SGCZ: variants seen among roughly 807,000 people sequenced by gnomAD.
The protein encoded by SGCZ is zeta-sarcoglycan.
Under a neutral mutation model 41.3 loss-of-function variants are expected in SGCZ, and 40 were observed. That is an observed-to-expected ratio of 0.97 (90% CI 0.75 to 1.26). The LOEUF is 1.26. SGCZ is among the 50% of genes most tolerant of loss of function. The probability of loss-of-function intolerance (pLI) is 0.00; values close to 1 mark genes in which losing one functional copy is unlikely to be tolerated. For missense variants in SGCZ, 552 were observed against 369.8 expected, an observed-to-expected ratio of 1.49 and a Z score of -4.04; for synonymous variants, 206 against 137.5, an observed-to-expected ratio of 1.50 and a Z score of -3.49.
chr8:14,749,040 TC>T (rs1375197217), intron 1 of SGCZ, among the ~76,000 whole-genome samples: 1 of 152,150 alleles, frequency 6.6e-6, no homozygotes, highest in Non-Finnish European at 1.5e-5. Context: ...TGACTAATTT[TC>T]ATCCAATTTC....
intron 1 of SGCZ, among the ~76,000 whole-genome samples, chr8:15,064,660 A>G (rs1454903983): frequency 6.6e-6 from 1 of 151,960 alleles, no homozygotes; most frequent in Admixed American, 6.6e-5. Context: ...CTCATTCCTC[A>G]TAATTGCTTC....
intron 1 of SGCZ, among the ~76,000 whole-genome samples, chr8:14,904,115 A>G (rs1293428884): frequency 6.6e-6 from 1 of 152,038 alleles, no homozygotes; most frequent in African/African-American, 2.4e-5. Flanking sequence ...TATGCATCTT[A>G]GGGGTTTTCA....
At chr8:14,444,062 T>A (rs1376898856) in intron 2 of SGCZ, among the ~76,000 whole-genome samples, 3 of 152,096 alleles carry the variant, frequency 2.0e-5, no homozygotes, top group Non-Finnish European at 2.9e-5. Flanking sequence ...CATGAAAAAA[T>A]GCTCATCATC....
At chr8:14,585,921 A>T (rs974567608) in intron 1 of SGCZ, among the ~76,000 whole-genome samples, 1 of 152,108 alleles carries the variant, frequency 6.6e-6, no homozygotes, top group African/African-American at 2.4e-5. Flanking sequence ...AGTTGCTTTT[A>T]TTTCAATTTT....
At chr8:15,197,275 T>C (rs149072808) in intron 1 of SGCZ, among the ~76,000 whole-genome samples, 35 of 152,318 alleles carry the variant, frequency 2.3e-4, no homozygotes, top group African/African-American at 7.9e-4. Context: ...AATTAGCATT[T>C]AAATTAGTGT....
chr8:14,370,858 G>T (rs986373153), intron 2 of SGCZ, among the ~76,000 whole-genome samples: 1 of 151,862 alleles, frequency 6.6e-6, no homozygotes, highest in Non-Finnish European at 1.5e-5. Flanking sequence ...TACAATGGCA[G>T]CTTGCATTTT....
intron 1 of SGCZ, among the ~76,000 whole-genome samples, chr8:15,126,598 C>T (rs1399070619): frequency 3.3e-5 from 5 of 152,086 alleles, no homozygotes; most frequent in Admixed American, 3.3e-4. Flanking sequence ...CAAGGTCTAG[C>T]AAGGTTGCAA....
chr8:14,503,599 C>G (rs868386930), intron 2 of SGCZ, among the ~76,000 whole-genome samples: 6 of 152,104 alleles, frequency 3.9e-5, no homozygotes, highest in Middle Eastern at 6.8e-3. Context: ...AAGTCCCAAT[C>G]TCTACTGAAA....
At chr8:15,186,746 G>A (rs1277259984) in intron 1 of SGCZ, among the ~76,000 whole-genome samples, 1 of 152,268 alleles carries the variant, frequency 6.6e-6, no homozygotes, top group Non-Finnish European at 1.5e-5. Flanking sequence ...ATTTCAATCA[G>A]AAATAACAAT....
intron 1 of SGCZ, among the ~76,000 whole-genome samples, chr8:15,125,008 C>A (rs1208986070): frequency 6.6e-6 from 1 of 151,792 alleles, no homozygotes; most frequent in African/African-American, 2.4e-5. Context: ...TATATAGTAA[C>A]CTTTTATGCA....
chr8:14,864,161 A>G (rs767780468), intron 1 of SGCZ, among the ~76,000 whole-genome samples: 8 of 152,278 alleles, frequency 5.3e-5, no homozygotes, highest in Non-Finnish European at 8.8e-5. Context: ...ATTTTCAGCA[A>G]TAGTCACCAT....
chr8:15,077,649 G>T (rs536335287), intron 1 of SGCZ, among the ~76,000 whole-genome samples: 1 of 152,190 alleles, frequency 6.6e-6, no homozygotes, highest in Admixed American at 6.5e-5. Flanking sequence ...TGTTTAACAT[G>T]TATTTCAGAG....
chr8:14,662,348 G>C (rs1435543584), intron 1 of SGCZ, among the ~76,000 whole-genome samples: 1 of 152,126 alleles, frequency 6.6e-6, no homozygotes, highest in Non-Finnish European at 1.5e-5. Flanking sequence ...ACCTGAATTT[G>C]TTTCCTCATG....
At chr8:15,169,884 A>C (rs1451184396) in intron 1 of SGCZ, among the ~76,000 whole-genome samples, 2 of 152,196 alleles carry the variant, frequency 1.3e-5, no homozygotes, top group Non-Finnish European at 2.9e-5. Flanking sequence ...ATGGTTTACC[A>C]TACCTAGGAT....
intron 1 of SGCZ, among the ~76,000 whole-genome samples, chr8:14,943,602 T>C (rs1220686011): frequency 6.6e-6 from 1 of 152,170 alleles, no homozygotes; most frequent in Non-Finnish European, 1.5e-5. Flanking sequence ...CTGGGGTACA[T>C]GTGCAGGTTT....
chr8:14,961,157 G>A (rs769316962), intron 1 of SGCZ, among the ~76,000 whole-genome samples: 1 of 152,026 alleles, frequency 6.6e-6, no homozygotes, highest in Non-Finnish European at 1.5e-5. Flanking sequence ...GGTACTTTTT[G>A]TCTGCTAATG....
At chr8:14,838,707 T>C (rs1802791450) in intron 1 of SGCZ, among the ~76,000 whole-genome samples, 1 of 152,178 alleles carries the variant, frequency 6.6e-6, no homozygotes, top group African/African-American at 2.4e-5. Context: ...TGACACGGCT[T>C]GGTGTGCCAT....
intron 4 of SGCZ, among the ~76,000 whole-genome samples, chr8:14,200,619 GTTTT>G (rs1024712131): frequency 2.6e-5 from 4 of 151,900 alleles, no homozygotes; most frequent in Non-Finnish European, 4.4e-5. Context: ...TTGTTTGTTT[GTTTT>G]GTTTTGTTTT....
chr8:14,984,987 T>C lies in SGCZ; in HGVS notation c.39+252598A>G, dbSNP rs567522538. ...TTCCAACAACAACAGTAATAATCCT[T>C]GTTTTTCTTTAAAAATATCACGATG... On this transcript the variant is annotated intron_variant, in intron 1 of 7. Transcript: ENST00000382080. Among the ~76,000 whole-genome samples the C allele has an allele frequency of 2.5e-3, 383 of 152,278 alleles. 3 individuals carry two copies. The highest frequency in any genetic ancestry group is 9.0e-3 in the African/African-American group (372 of 41,562).
Sources: gnomAD v4.1 joint callset for allele counts (sites outside exome capture counted in the v4.1 genomes callset) on GRCh38, gnomAD v4.1.1 for gene constraint, MANE v1.5 for transcripts, NCBI Gene and HGNC (gene_info 2026-07-23, HGNC 2026-07-21) for gene names.